GPC5: variants seen among roughly 807,000 people sequenced by gnomAD.
GPC5 encodes glypican 5.
In GPC5, 47 loss-of-function variants were observed where a neutral mutation model predicts 53.9. The observed-to-expected ratio is 0.87, with a 90% confidence interval of 0.69 to 1.11. The LOEUF is 1.11. Among genes scored for constraint, GPC5 ranks in the 50% most tolerant of loss-of-function variants. The pLI, the probability that GPC5 is intolerant of heterozygous loss-of-function variation, is 0.00. For synonymous variants in GPC5, 286 were observed against 263.3 expected, an observed-to-expected ratio of 1.09 and a Z score of -0.84; for missense variants, 748 against 713.1, an observed-to-expected ratio of 1.05 and a Z score of -0.56.
chr13:91,892,571 C>T (rs2039398373), intron 5 of GPC5, among the ~76,000 whole-genome samples: 1 of 151,372 alleles, frequency 6.6e-6, no homozygotes, highest in South Asian at 2.1e-4. Context: ...TTAGTGAAAG[C>T]CTACTAAGCA....
chr13:91,449,427 A>T (rs1281690031), intron 2 of GPC5, among the ~76,000 whole-genome samples: 1 of 152,140 alleles, frequency 6.6e-6, no homozygotes, highest in Non-Finnish European at 1.5e-5. Flanking sequence ...TACATGTGCC[A>T]TGGTGGTTTG....
At chr13:92,775,458 C>T (rs1875768353) in intron 7 of GPC5, among the ~76,000 whole-genome samples, 1 of 152,140 alleles carries the variant, frequency 6.6e-6, no homozygotes, top group Admixed American at 6.5e-5. Flanking sequence ...AAGTCCTTGT[C>T]TGTTTTTTCC....
chr13:91,591,518 T>A (rs1341202145), intron 2 of GPC5, among the ~76,000 whole-genome samples: 1 of 152,210 alleles, frequency 6.6e-6, no homozygotes, highest in Non-Finnish European at 1.5e-5. Context: ...ACAAACTGTA[T>A]CCTCAAAGAT....
rs116212632 is a variant in GPC5, at chr13:92,164,438, A to C, written c.1561+19449A>C. Among the ~76,000 whole-genome samples the C allele has an allele frequency of 7.0e-3, 1,063 of 152,324 alleles. 10 individuals carry two copies. The highest frequency in any genetic ancestry group is 0.024 in the African/African-American group (1,015 of 41,574). Reference sequence around the variant, plus strand: ...ATGCAAATCCAAAATCCAATAGGGCAGTCATTTAATCTTAAAATTCCAAAA... The same window carrying C: ...ATGCAAATCCAAAATCCAATAGGGCCGTCATTTAATCTTAAAATTCCAAAA... On this transcript the variant is annotated intron_variant, in intron 7 of 7. Coordinates refer to ENST00000377067, the MANE Select transcript of GPC5 (RefSeq NM_004466.6).
At chr13:92,245,293 C>T (rs533382572) in intron 7 of GPC5, among the ~76,000 whole-genome samples, 1 of 152,238 alleles carries the variant, frequency 6.6e-6, no homozygotes, top group South Asian at 2.1e-4. Flanking sequence ...TCCATGACTA[C>T]CCTATCTGAA....
At chr13:91,925,122 T>C (rs2039755087) in intron 6 of GPC5, among the ~76,000 whole-genome samples, 1 of 152,204 alleles carries the variant, frequency 6.6e-6, no homozygotes, top group Non-Finnish European at 1.5e-5. Context: ...CCCGGCCACT[T>C]CGTGGATTTT....
intron 7 of GPC5, among the ~76,000 whole-genome samples, chr13:92,708,655 A>G (rs1206617259): frequency 6.6e-6 from 1 of 152,014 alleles, no homozygotes; most frequent in African/African-American, 2.4e-5. Flanking sequence ...GGTTAGAAAA[A>G]GTTGTGGAGC....
intron 5 of GPC5, among the ~76,000 whole-genome samples, chr13:91,889,171 C>T (rs183137371): frequency 3.3e-4 from 50 of 152,194 alleles, no homozygotes; most frequent in Admixed American, 1.1e-3. Flanking sequence ...ATACTTTGTA[C>T]CTGGCCCCTC....
intron 7 of GPC5, among the ~76,000 whole-genome samples, chr13:92,691,868 A>G (rs957842677): frequency 2.0e-5 from 3 of 152,092 alleles, no homozygotes; most frequent in African/African-American, 7.2e-5. Flanking sequence ...TGATATGGAA[A>G]AACTTTTTAT....
At chr13:91,412,547 A>T (rs1042580653) in intron 1 of GPC5, among the ~76,000 whole-genome samples, 2 of 152,214 alleles carry the variant, frequency 1.3e-5, no homozygotes, top group African/African-American at 4.8e-5. Context: ...CAAATACACA[A>T]ATATACCATG....
At chr13:92,527,255 GAA>G (rs1266241407) in intron 7 of GPC5, among the ~76,000 whole-genome samples, 1,383 of 77,464 alleles carry the variant, frequency 0.018, 17 homozygotes, top group African/African-American at 0.032. Flanking sequence ...GAAAGAGAAA[GAA>G]AGAAAGAAAG....
At chr13:92,241,147 G>A (rs577877764) in intron 7 of GPC5, 1 of 152,152 alleles carries the variant, frequency 6.6e-6, no homozygotes, top group East Asian at 1.9e-4. Flanking sequence ...CTCCAAATTT[G>A]ATTCCATTGC....
chr13:92,108,731 A>G (rs1394682959), intron 6 of GPC5, among the ~76,000 whole-genome samples: 1 of 152,096 alleles, frequency 6.6e-6, no homozygotes, highest in Non-Finnish European at 1.5e-5. Context: ...GTAGAAACAT[A>G]TTTCTACTTT....
chr13:92,651,167 T>TCA, intron 7 of GPC5, among the ~76,000 whole-genome samples: 1 of 151,586 alleles, frequency 6.6e-6, no homozygotes, highest in South Asian at 2.1e-4. Context: ...AAACTCCCCT[T>TCA]TATATATATA....
At chr13:92,809,318 C>G (rs1477738067) in intron 7 of GPC5, among the ~76,000 whole-genome samples, 1 of 152,168 alleles carries the variant, frequency 6.6e-6, no homozygotes. Context: ...TGAGCCCCAT[C>G]ATAGGCATGG....
At chr13:92,841,632 C>T (rs9301838) in intron 7 of GPC5, among the ~76,000 whole-genome samples, 14,789 of 152,062 alleles carry the variant, frequency 0.097, 1,279 homozygotes, top group African/African-American at 0.23. Context: ...AGTACTTCCT[C>T]CTTATTATAA....
chr13:92,222,219 G>C (rs989833314), intron 7 of GPC5, among the ~76,000 whole-genome samples: 7 of 152,152 alleles, frequency 4.6e-5, no homozygotes, highest in East Asian at 3.9e-4. Flanking sequence ...AGGAGGACCA[G>C]ACTATTGTCG....
rs2209841 is a variant in GPC5, at chr13:92,444,317, T to C, written c.1561+299328T>C. Among the ~76,000 whole-genome samples the C allele has an allele frequency of 7.9e-4, 120 of 152,232 alleles. 1 individual carries two copies. The highest frequency in any genetic ancestry group is 2.5e-3 in the African/African-American group (102 of 41,544). ...AGAAATCAAAAGAGTCAGTTTGATG[T>C]GAGAAGCAAGAAAAAGGGAAAAGTT... On this transcript the variant is annotated intron_variant, in intron 7 of 7. Transcript: ENST00000377067.
intron 7 of GPC5, among the ~76,000 whole-genome samples, chr13:92,567,181 C>T (rs140419787): frequency 1.6e-4 from 24 of 152,160 alleles, no homozygotes; most frequent in African/African-American, 4.1e-4. Flanking sequence ...AAAAATTTCC[C>T]GAGGCCAAAA....
Sources: gnomAD v4.1 joint callset for allele counts (sites outside exome capture counted in the v4.1 genomes callset) on GRCh38, gnomAD v4.1.1 for gene constraint, MANE v1.5 for transcripts, NCBI Gene and HGNC (gene_info 2026-07-23, HGNC 2026-07-21) for gene names.